SH2D7: variants seen among roughly 807,000 people sequenced by gnomAD.
SH2D7 encodes the protein SH2 domain containing 7.
SH2D7 carries 32 observed loss-of-function variants against 40.8 expected under a neutral mutation model. The ratio of observed to expected loss-of-function variants is 0.78; its 90% CI spans 0.59 to 1.05. The LOEUF (loss-of-function observed/expected upper bound fraction) is 1.05. Among genes scored for constraint, SH2D7 ranks in the 50% least tolerant of loss-of-function variants. The pLI is 0.00. For synonymous variants in SH2D7, 195 were observed against 221.5 expected (o/e 0.88, Z 1.06); for missense variants, 559 against 566.6 (o/e 0.99, Z 0.14).
chr15:78,090,839 T>C (rs2073936583), upstream of SH2D7, among the ~76,000 whole-genome samples: 2 of 152,124 alleles, frequency 1.3e-5, no homozygotes, highest in Admixed American at 1.3e-4. Context: ...TTTTAAACTT[T>C]TTCACTGAAG....
rs747077799 is a variant in SH2D7 at position 78,100,978 on chromosome 15, T to A, written c.725T>A (p.Ile242Asn). Residue 242 changes from isoleucine (I) to asparagine (N), a missense_variant, in exon 5 of 6, where the codon ATC (isoleucine) becomes AAC (asparagine). By Grantham distance (149) the Ile-to-Asn change is moderately radical. Coordinates refer to ENST00000328828, the MANE Select transcript of SH2D7 (RefSeq NM_001101404.2). Reference sequence around the variant, plus strand: ...TCTTTTGGAGGCCCCAGTGACATCATCTATGCAGACCTGAGGAGGATGAAC... The same window carrying A: ...TCTTTTGGAGGCCCCAGTGACATCAACTATGCAGACCTGAGGAGGATGAAC... ...EESFGGPSDI[I>N]YADLRRMNQA... is the part of the protein sequence containing the mutation. 6.2e-7 allele frequency: 1 copy of A among 1,613,812 alleles called. No homozygotes were observed. Among genetic ancestry groups the A allele is most frequent in the African/African-American group, 1.3e-5 (1 of 74,906 alleles).
intron 4 of SH2D7, among the ~76,000 whole-genome samples, chr15:78,100,234 T>C (rs1468221257): frequency 1.3e-5 from 2 of 152,210 alleles, no homozygotes; most frequent in Admixed American, 6.5e-5. Flanking sequence ...ACTAAATATT[T>C]GTCAAATGAG....
chr15:78,096,179 T>C (rs2073971505), intron 2 of SH2D7, among the ~76,000 whole-genome samples: 1 of 152,156 alleles, frequency 6.6e-6, no homozygotes, highest in Non-Finnish European at 1.5e-5. Context: ...TAAAGAGATA[T>C]TATTAAGAGA....
In SH2D7 at chr15:78,103,459, T is replaced by C; in HGVS notation, c.1306-6T>C. On this transcript the variant is annotated splice_polypyrimidine_tract_variant and splice_region_variant and intron_variant, in intron 5 of 5. Coordinates refer to ENST00000328828, the MANE Select transcript of SH2D7 (RefSeq NM_001101404.2). ...CCAGGCCCCAGTATCTCCTCCTTCC[T>C]TGCAGCCTGACAAGCTTCGGAGGCT... is the stretch of plus-strand genomic sequence containing the variant. 6.4e-7 allele frequency: 1 copy of C among 1,557,534 alleles called. No homozygotes were observed. The highest frequency in any genetic ancestry group is 8.7e-7 in the Non-Finnish European group (1 of 1,149,946).
chr15:78,099,019 C>CT (rs573619880), intron 4 of SH2D7, among the ~76,000 whole-genome samples: 33,955 of 146,746 alleles, frequency 0.23, 4,079 homozygotes, highest in African/African-American at 0.33. Flanking sequence ...TTTTTCTTTT[C>CT]TTTTTTTTTT....
At chr15:78,093,755 G>C (rs1280665454) in intron 1 of SH2D7, among the ~76,000 whole-genome samples, 4 of 152,262 alleles carry the variant, frequency 2.6e-5, no homozygotes, top group African/African-American at 9.6e-5. Context: ...AACATCTCCA[G>C]CTGTGTGGAT....
chr15:78,101,692 C>G (rs2074018637), intron 5 of SH2D7, 134 bp downstream of exon 5: 1 of 1,094,396 alleles, frequency 9.1e-7, no homozygotes, highest in South Asian at 1.7e-5. Flanking sequence ...TTTTCCAGCC[C>G]TAATATCTGC....
At chr15:78,098,147 TG>T in intron 3 of SH2D7, 53 bp downstream of exon 3, 1 of 1,528,710 alleles carries the variant, frequency 6.5e-7, no homozygotes, top group Non-Finnish European at 8.8e-7. Context: ...AGCCCAGGCC[TG>T]GGGTATCCAT....
chr15:78,098,517 A>C lies in SH2D7; in HGVS notation c.566A>C (p.Lys189Thr), dbSNP rs1237069050. 3.7e-6 allele frequency: 6 copies of C among 1,613,840 alleles called. No individual in the cohort carries two copies. The highest frequency in any genetic ancestry group is 5.1e-6 in the Non-Finnish European group (6 of 1,179,876). The change falls in exon 4 of 6, where the codon AAG becomes ACG. Residue 189 changes from lysine to threonine, a missense_variant. Transcript: ENST00000328828. ...DKAASPRSSP[K>T]PQVSFLHAQK... ...GCCGCCAGCCCCCGCTCTTCTCCAA[A>C]GCCCCAGGTCTCCTTCCTCCATGCA...
At chr15:78,093,461 G>A (rs971318659) in intron 1 of SH2D7, among the ~76,000 whole-genome samples, 2 of 152,242 alleles carry the variant, frequency 1.3e-5, no homozygotes, top group African/African-American at 4.8e-5. Flanking sequence ...GCGTAGAACA[G>A]GCGCTCGGTA....
Position 78,094,180 on chromosome 15 carries a change from C to T in SH2D7, c.245C>T (p.Thr82Ile), listed in dbSNP as rs765211234. The T allele has an allele frequency of 1.9e-6, 3 of 1,609,956 alleles. No homozygotes were observed. The highest frequency in any genetic ancestry group is 2.2e-5 in the South Asian group (2 of 89,860). ...CTTATCCGCCTCAGTGACCGAGCCA[C>T]TGGCTACATCTTGTCCTACAGGTAA... is the stretch of plus-strand genomic sequence containing the variant. ...SFLIRLSDRA[T>I]GYILSYRGSD... The change falls in exon 2 of 6, where the codon ACT becomes ATT. Residue 82 changes from threonine to isoleucine, a missense_variant. Coordinates refer to ENST00000328828, the MANE Select transcript of SH2D7 (RefSeq NM_001101404.2).
In SH2D7 at chr15:78,103,566, G is replaced by A; in HGVS notation, c.*51G>A. 2 of 1,549,378 alleles carry A rather than the reference G, an allele frequency of 1.3e-6. No individual in the cohort carries two copies. Among genetic ancestry groups the A allele is most frequent in the Non-Finnish European group, 8.7e-7 (1 of 1,145,194 alleles). ...GTGGGTTTCCTGGTACCCAGGCCAT[G>A]CCAGGGGTTATCGCAAAGGCCTCAG... On this transcript the variant is annotated 3_prime_UTR_variant, in exon 6 of 6. Coordinates refer to ENST00000328828, the MANE Select transcript of SH2D7 (RefSeq NM_001101404.2).
intron 3 of SH2D7, 102 bp from the exon 4 acceptor site, chr15:78,098,282 C>T: frequency 2.7e-6 from 4 of 1,459,414 alleles, no homozygotes; most frequent in Non-Finnish European, 3.7e-6. Context: ...GGTCAGAGAC[C>T]TGGTGGGAAT....
chr15:78,101,189 C>T lies in SH2D7; in HGVS notation c.936C>T (p.Pro312=). The T allele has an allele frequency of 1.3e-6, 2 of 1,589,292 alleles. No homozygotes were observed. Among genetic ancestry groups the T allele is most frequent in the South Asian group, 1.1e-5 (1 of 87,546 alleles). ...VSPDQGPTES[P]TSWGCSDAMG... Reference sequence around the variant, plus strand: ...CAGACCAGGGTCCCACAGAGTCTCCCACTTCCTGGGGATGTTCTGATGCCA... The same window carrying T: ...CAGACCAGGGTCCCACAGAGTCTCCTACTTCCTGGGGATGTTCTGATGCCA... Residue 312 remains proline (P), a synonymous_variant, in exon 5 of 6, where the codon CCC becomes CCT. Transcript: ENST00000328828.
intron 2 of SH2D7, among the ~76,000 whole-genome samples, chr15:78,096,517 A>T (rs932260900): frequency 2.0e-5 from 3 of 152,124 alleles, no homozygotes; most frequent in African/African-American, 7.2e-5. Context: ...TATTTTTGAG[A>T]TGGAGTTTCA....
At chr15:78,092,048 G>A (rs1236044577), upstream of SH2D7, among the ~76,000 whole-genome samples, 1 of 152,242 alleles carries the variant, frequency 6.6e-6, no homozygotes, top group African/African-American at 2.4e-5. Context: ...AGGGCAAAGT[G>A]CTGTTTTATT....
chr15:78,101,576 G>T lies in SH2D7; in HGVS notation c.1305+18G>T. ...CACACAAGGTGAGCTCCATGATGGG[G>T]TGGGGCGGCTCCCAGCCCTTAGAGA... On this transcript the variant is annotated intron_variant, in intron 5 of 5. Transcript: ENST00000328828. 1 of 1,550,638 alleles carries T rather than the reference G, an allele frequency of 6.4e-7. No homozygotes were observed. The highest frequency in any genetic ancestry group is 8.7e-7 in the Non-Finnish European group (1 of 1,151,750).
chr15:78,099,591 T>TGCTA (rs1567044518), intron 4 of SH2D7, among the ~76,000 whole-genome samples: 1 of 151,728 alleles, frequency 6.6e-6, no homozygotes, highest in Non-Finnish European at 1.5e-5. Context: ...CCTCCCAAAG[T>TGCTA]GCTAGGATTA....
intron 5 of SH2D7, among the ~76,000 whole-genome samples, chr15:78,102,873 C>T (rs1381266377): frequency 6.6e-6 from 1 of 152,150 alleles, no homozygotes; most frequent in African/African-American, 2.4e-5. Context: ...TGATCTCAGT[C>T]AGGCACACGC....
Sources: allele counts gnomAD v4.1 joint callset (sites outside exome capture counted in the v4.1 genomes callset), GRCh38; gene constraint gnomAD v4.1.1; transcripts MANE v1.5; gene names NCBI Gene and HGNC (gene_info 2026-07-23, HGNC 2026-07-21).